The following ME1 variants were observed in gnomAD, a reference collection of about 807,000 sequenced individuals.
ME1 encodes NADP-dependent malic enzyme.
ME1 carries 74 observed loss-of-function variants against 66.4 expected under a neutral mutation model. The observed-to-expected ratio is 1.11, with a 90% confidence interval of 0.92 to 1.35. The LOEUF (loss-of-function observed/expected upper bound fraction) is 1.35, where lower values mean the gene tolerates loss of function less well. Ranked by LOEUF, ME1 falls within the 40% of genes most tolerant of loss-of-function variation. The pLI is 0.00. For synonymous variants in ME1, 251 were observed against 235.6 expected (o/e 1.07, Z -0.60); for missense variants, 750 against 694.1 (o/e 1.08, Z -0.90).
intron 1 of ME1, among the ~76,000 whole-genome samples, chr6:83,422,399 A>C (rs1201941728): frequency 6.6e-6 from 1 of 152,228 alleles, no homozygotes; most frequent in Non-Finnish European, 1.5e-5. Flanking sequence ...TTAAGATACA[A>C]CTGACAGCTA....
chr6:83,219,422 T>C (rs1033189789), intron 12 of ME1, among the ~76,000 whole-genome samples: 90 of 152,334 alleles, frequency 5.9e-4, no homozygotes, highest in African/African-American at 2.0e-3. Flanking sequence ...GTCTGTTTTG[T>C]ATTTGGGCAA....
intron 3 of ME1, among the ~76,000 whole-genome samples, chr6:83,376,212 A>G (rs969514694): frequency 6.6e-6 from 1 of 152,206 alleles, no homozygotes; most frequent in Non-Finnish European, 1.5e-5. Context: ...AATATTTAAA[A>G]AAAGAGGCCA....
chr6:83,227,314 T>C, intron 11 of ME1, 21 bp downstream of exon 11: 2 of 1,451,832 alleles, frequency 1.4e-6, no homozygotes, highest in South Asian at 3.1e-5. Context: ...TATTAAAATA[T>C]CTGTTATAGT....
At chr6:83,377,139 C>G (rs1249448237) in intron 3 of ME1, among the ~76,000 whole-genome samples, 1 of 152,072 alleles carries the variant, frequency 6.6e-6, no homozygotes, top group Admixed American at 6.5e-5. Context: ...AGATATTAGA[C>G]CATTTGAAAA....
At chr6:83,400,406 C>T (rs750141313) in intron 2 of ME1, among the ~76,000 whole-genome samples, 4 of 152,168 alleles carry the variant, frequency 2.6e-5, no homozygotes, top group Non-Finnish European at 4.4e-5. Context: ...ACCTGCTGAA[C>T]CATGAGCCAT....
At chr6:83,224,967 C>A (rs544042624) in intron 11 of ME1, among the ~76,000 whole-genome samples, 3 of 151,254 alleles carry the variant, frequency 2.0e-5, no homozygotes, top group South Asian at 2.1e-4. Flanking sequence ...TTTGGGAGGT[C>A]GAGGAGGGTG....
rs1385429147 is a variant in ME1 at position 83,211,992 on chromosome 6, G to A, written c.1651C>T (p.Gln551Ter). 1.9e-6 allele frequency: 3 copies of A among 1,611,248 alleles called. No individual in the cohort carries two copies. The highest frequency in any genetic ancestry group is 2.2e-5 in the East Asian group (1 of 44,728). Residue 551 changes from glutamine (Q) to a stop codon, truncating the protein, a stop_gained, in exon 14 of 14, where the codon CAG becomes TAG. Transcript: ENST00000369705. LOFTEE classifies it high-confidence loss of function. ...RSQMYSTDYDQILPDCYSWPE... is the reference protein window; with the variant it reads ...RSQMYSTDYD ...CAAGAATAACAATCAGGTAGAATCTGGTCATAATCAGTACTATACATCTGG... is the reference window on the plus strand; with the variant it reads ...CAAGAATAACAATCAGGTAGAATCTAGTCATAATCAGTACTATACATCTGG...
At chr6:83,383,173 G>T (rs959972373) in intron 3 of ME1, among the ~76,000 whole-genome samples, 4 of 151,324 alleles carry the variant, frequency 2.6e-5, no homozygotes, top group East Asian at 1.9e-4. Context: ...TATACTATTG[G>T]TTTTTTTTCT....
intron 6 of ME1, among the ~76,000 whole-genome samples, chr6:83,287,714 T>C (rs1454344029): frequency 1.3e-5 from 2 of 152,196 alleles, no homozygotes; most frequent in Non-Finnish European, 2.9e-5. Flanking sequence ...TTCTAGATCC[T>C]TAAGGAATCG....
chr6:83,358,463 T>C (rs751732568), intron 3 of ME1, among the ~76,000 whole-genome samples: 1 of 152,206 alleles, frequency 6.6e-6, no homozygotes, highest in Non-Finnish European at 1.5e-5. Flanking sequence ...CTAAGATTGC[T>C]CAGAGTGAGA....
In ME1 at chr6:83,253,643, T is replaced by C. The variant is rs971839463; in HGVS notation, c.800A>G (p.Asn267Ser). The C allele has an allele frequency of 3.1e-6, 5 of 1,597,250 alleles. No homozygotes were observed. The highest frequency in any genetic ancestry group is 4.5e-5 in the East Asian group (2 of 44,674). Reference protein sequence around the residue: ...NKYRNQYCTFNDDIQGTASVA... With the variant: ...NKYRNQYCTFSDDIQGTASVA... ...AATTTTGTTACCTTGAATATCATCA[T>C]TGAATGTGCAATACTGGTTTCGATA... The change falls in exon 7 of 14, where the codon AAT (asparagine) becomes AGT (serine). Residue 267 changes from asparagine to serine, a missense_variant. Transcript: ENST00000369705.
chr6:83,354,914 C>G (rs1390237365), intron 3 of ME1, among the ~76,000 whole-genome samples: 2 of 152,028 alleles, frequency 1.3e-5, no homozygotes, highest in Non-Finnish European at 2.9e-5. Flanking sequence ...GAAATAAATC[C>G]AGCCTAATAT....
At chr6:83,358,255 C>T (rs1768937015) in intron 3 of ME1, among the ~76,000 whole-genome samples, 1 of 151,970 alleles carries the variant, frequency 6.6e-6, no homozygotes, top group South Asian at 2.1e-4. Flanking sequence ...GCATTTGACA[C>T]TCCCGATTCA....
intron 3 of ME1, among the ~76,000 whole-genome samples, chr6:83,383,210 A>G (rs571716859): frequency 5.7e-4 from 87 of 151,998 alleles, no homozygotes; most frequent in African/African-American, 2.0e-3. Flanking sequence ...AATGCAAAGT[A>G]TTAGGAGGAA....
chr6:83,227,542 G>A (rs912808096), intron 10 of ME1, 65 bp from the exon 11 acceptor site: 1 of 1,325,548 alleles, frequency 7.5e-7, no homozygotes, highest in Non-Finnish European at 1.0e-6. Context: ...AGAAGACCAT[G>A]CCTCAAATCA....
At chr6:83,392,939 G>A (rs987055103) in intron 3 of ME1, 2 of 823,838 alleles carry the variant, frequency 2.4e-6, no homozygotes, top group Admixed American at 1.7e-5. Context: ...AAGGACTCAT[G>A]ACCATCGCTG....
chr6:83,378,260 T>C (rs977709115), intron 3 of ME1, among the ~76,000 whole-genome samples: 2 of 151,914 alleles, frequency 1.3e-5, no homozygotes, highest in African/African-American at 2.4e-5. Context: ...GAGCATAAAA[T>C]AGTATATAGG....
chr6:83,304,580 T>G (rs1338343805), intron 6 of ME1, among the ~76,000 whole-genome samples: 1 of 152,184 alleles, frequency 6.6e-6, no homozygotes, highest in Non-Finnish European at 1.5e-5. Context: ...TATGATATTA[T>G]TTTCATGAGG....
At chr6:83,320,788 C>T (rs1382346690) in intron 5 of ME1, among the ~76,000 whole-genome samples, 3 of 151,988 alleles carry the variant, frequency 2.0e-5, no homozygotes, top group Non-Finnish European at 4.4e-5. Context: ...ACAATGTAGT[C>T]GATTACAAAG....
Sources: gnomAD v4.1 joint callset for allele counts (sites outside exome capture counted in the v4.1 genomes callset) on GRCh38, gnomAD v4.1.1 for gene constraint, MANE v1.5 for transcripts, NCBI Gene and HGNC (gene_info 2026-07-23, HGNC 2026-07-21) for gene names.